SLC16A3: variants seen among roughly 807,000 people sequenced by gnomAD.
SLC16A3 encodes monocarboxylate transporter 4.
In SLC16A3, 22 loss-of-function variants were observed where a neutral mutation model predicts 25.0. The observed-to-expected ratio is 0.88, with a 90% CI of 0.63 to 1.26. The LOEUF (loss-of-function observed/expected upper bound fraction) is 1.26, where lower values mean the gene tolerates loss of function less well. SLC16A3 is among the 50% of genes most tolerant of loss of function. SLC16A3 has a pLI of 0.00. For missense variants in SLC16A3, 731 were observed against 666.6 expected, an observed-to-expected ratio of 1.10 and a Z score of -1.06; for synonymous variants, 390 against 309.2, an observed-to-expected ratio of 1.26 and a Z score of -2.74.
At chr17:82,222,803 CAAAAAAAA>C (rs34093076) in intron 1 of SLC16A3, among the ~76,000 whole-genome samples, 1 of 104,666 alleles carries the variant, frequency 9.6e-6, no homozygotes, top group African/African-American at 3.8e-5. Flanking sequence ...GACTCCGTCT[CAAAAAAAA>C]AAAAAAAAAA....
chr17:82,222,517 G>A (rs1190890309), intron 1 of SLC16A3, among the ~76,000 whole-genome samples: 1 of 152,180 alleles, frequency 6.6e-6, no homozygotes, highest in Non-Finnish European at 1.5e-5. Flanking sequence ...AAAAAGGTAT[G>A]AAGAGGCCGG....
intron 1 of SLC16A3, among the ~76,000 whole-genome samples, chr17:82,221,235 C>T (rs1372358382): frequency 1.3e-5 from 2 of 152,160 alleles, no homozygotes; most frequent in East Asian, 1.9e-4. Context: ...GACCATATAT[C>T]TGTTAAGAGT....
chr17:82,219,726 G>C (rs1325879470), intron 1 of SLC16A3, among the ~76,000 whole-genome samples: 1 of 152,114 alleles, frequency 6.6e-6, no homozygotes, highest in African/African-American at 2.4e-5. Context: ...GGGCTGGGGG[G>C]CTGCACTGAA....
chr17:82,222,857 G>A (rs1047978556), intron 1 of SLC16A3, among the ~76,000 whole-genome samples: 2 of 149,814 alleles, frequency 1.3e-5, no homozygotes, highest in African/African-American at 2.5e-5. Context: ...TCCCATGGAC[G>A]AACATGGAAG....
chr17:82,234,607 A>AG (rs1479926800), intron 1 of SLC16A3: 1 of 152,286 alleles, frequency 6.6e-6, no homozygotes, highest in African/African-American at 2.4e-5. Context: ...CAGGGACTCC[A>AG]GGGGGCACAG....
intron 4 of SLC16A3, 113 bp from the exon 5 acceptor site, chr17:82,238,589 G>A: frequency 9.0e-7 from 1 of 1,106,374 alleles, no homozygotes; most frequent in Non-Finnish European, 1.2e-6. Flanking sequence ...CAAGCTCAGA[G>A]GCAGACAGGG....
intron 2 of SLC16A3, 110 bp from the exon 3 acceptor site, chr17:82,236,619 G>T (rs1414600910): frequency 4.1e-6 from 6 of 1,469,362 alleles, no homozygotes; most frequent in Non-Finnish European, 5.5e-6. Flanking sequence ...GCCCCGCGGG[G>T]GGAGGGGTGG....
At position 82,239,726 on chromosome 17, in the gene SLC16A3, G is replaced by A. The variant is rs1249512784; in HGVS notation, c.*750G>A. ...CCTACGTGGTGGTTAGATGGGAGCT[G>A]AGGTGGAACAAGCCACTTTATTCAC... On this transcript the variant is annotated 3_prime_UTR_variant, in exon 5 of 5. Coordinates refer to ENST00000582743, the MANE Select transcript of SLC16A3 (RefSeq NM_004207.4). 5 of 378,970 alleles carry A rather than the reference G, an allele frequency of 1.3e-5. No homozygotes were observed. The South Asian group carries it at 4.4e-4, about 33-fold the overall frequency. The allele number at this position is 378,970 out of a possible 1,614,324, so 23.5% of individuals were successfully genotyped here.
chr17:82,235,986 A>C lies in SLC16A3; in HGVS notation c.-23A>C. 6.3e-7 allele frequency: 1 copy of C among 1,595,828 alleles called. No individual in the cohort carries two copies. Among genetic ancestry groups the C allele is most frequent in the South Asian group, 1.1e-5 (1 of 90,318 alleles). Reference sequence around the variant, plus strand: ...GTCAGCCTGCTTTCTCTCTCAGGTGAGGCGGAACCAACCCTCCTGGCCATG... The same window carrying C: ...GTCAGCCTGCTTTCTCTCTCAGGTGCGGCGGAACCAACCCTCCTGGCCATG... On this transcript the variant is annotated 5_prime_UTR_variant, in exon 2 of 5. Coordinates refer to ENST00000582743, the MANE Select transcript of SLC16A3 (RefSeq NM_004207.4).
intron 1 of SLC16A3, among the ~76,000 whole-genome samples, chr17:82,220,588 C>T (rs1568528699): frequency 6.6e-6 from 1 of 152,054 alleles, no homozygotes; most frequent in African/African-American, 2.4e-5. Context: ...CTGGCCAATA[C>T]AGTGAGATCC....
rs1214555273 is a variant in SLC16A3, at chr17:82,237,424, A to G, written c.654A>G (p.Leu218=). The change falls in exon 4 of 5, where the codon CTA becomes CTG. Residue 218 remains leucine (L), a synonymous_variant. Transcript: ENST00000582743. ...SGPPRPSRRL[L]DLSVFRDRGF... ...CGCCGCGACCCTCCCGGCGCCTGCT[A>G]GACCTGAGCGTCTTCCGGGACCGCG... The G allele has an allele frequency of 6.3e-7, 1 of 1,581,754 alleles. No homozygotes were observed. Among genetic ancestry groups the G allele is most frequent in the Middle Eastern group, 1.7e-4 (1 of 5,996 alleles).
chr17:82,226,754 G>A (rs537839092), upstream of SLC16A3, among the ~76,000 whole-genome samples: 21 of 152,162 alleles, frequency 1.4e-4, no homozygotes, highest in Non-Finnish European at 2.5e-4. Context: ...TCATGCTACC[G>A]GAGTGCCAGA....
intron 1 of SLC16A3, among the ~76,000 whole-genome samples, chr17:82,223,369 GATTGGCCAGGCTGGTCACCCT>G (rs1262401261): frequency 6.6e-6 from 1 of 152,138 alleles, no homozygotes; most frequent in East Asian, 1.9e-4. Flanking sequence ...TTTTGGTAGA[GATTGGCCAGGCTGGTCACCCT>G]ATTGGCCAGG....
chr17:82,219,514 G>A lies in SLC16A3; in HGVS notation c.-27+1330G>A, dbSNP rs532528347. Among the ~76,000 whole-genome samples, 240 of 152,192 alleles carry A rather than the reference G, an allele frequency of 1.6e-3. 2 individuals carry two copies. Among genetic ancestry groups the A allele is most frequent in the Non-Finnish European group, 2.3e-3 (158 of 67,966 alleles). On this transcript the variant is annotated intron_variant, in intron 1 of 4. Coordinates refer to the SLC16A3 transcript ENST00000580098. ...TAGGGTCTCGCAGGCCAGAGGCCTC[G>A]CTCCCTGGGCCTGCTGTGTCTCTGG...
intron 1 of SLC16A3, among the ~76,000 whole-genome samples, chr17:82,222,611 G>A (rs1042590726): frequency 1.3e-5 from 2 of 152,206 alleles, no homozygotes; most frequent in East Asian, 1.9e-4. Context: ...CGAGACCAGC[G>A]TGACCAACAT....
intron 1 of SLC16A3, among the ~76,000 whole-genome samples, chr17:82,222,816 AAAAAAAGGAATG>A (rs2050397646): frequency 1.3e-5 from 2 of 152,076 alleles, no homozygotes; most frequent in South Asian, 4.2e-4. Context: ...AAAAAAAAAA[AAAAAAAGGAATG>A]AAGCACTGAT....
rs1238238440 is a variant in SLC16A3 at position 82,237,886 on chromosome 17, T to G, written c.1116T>G (p.Pro372=). 10 of 1,598,630 alleles carry G rather than the reference T, an allele frequency of 6.3e-6. No individual in the cohort carries two copies. Among genetic ancestry groups the G allele is most frequent in the Non-Finnish European group, 8.5e-6 (10 of 1,179,606 alleles). ...CGGTGGCCGTGCTCGTCGGGCCCCC[T>G]TCGGGAGGTGAGCGCTGCGCCCCCA... The part of the protein sequence containing the change: ...MEAVAVLVGP[P]SGGKLLDATH... Residue 372 remains proline, a synonymous_variant, in exon 4 of 5, where the codon CCT becomes CCG. Transcript: ENST00000582743.
chr17:82,237,960 G>A (rs1009411071), intron 4 of SLC16A3, 67 bp downstream of exon 4: 5 of 1,536,212 alleles, frequency 3.3e-6, no homozygotes, highest in African/African-American at 1.4e-5. Flanking sequence ...CTTTGCGAGG[G>A]GGGGGACGCG....
At chr17:82,233,815 T>A (rs551531972) in intron 1 of SLC16A3, 1 of 152,398 alleles carries the variant, frequency 6.6e-6, no homozygotes, top group East Asian at 1.9e-4. Flanking sequence ...GTTCCCAGTT[T>A]CATTCCTCAA....
Sources: gnomAD v4.1 joint callset for allele counts (sites outside exome capture counted in the v4.1 genomes callset) on GRCh38, gnomAD v4.1.1 for gene constraint, MANE v1.5 for transcripts, NCBI Gene and HGNC (gene_info 2026-07-23, HGNC 2026-07-21) for gene names.